The following F8 variants were observed in gnomAD, a reference collection of about 807,000 sequenced individuals.
F8 encodes coagulation factor VIII.
In F8, 12 loss-of-function variants were observed where a neutral mutation model predicts 140.6. The observed-to-expected ratio is 0.09, with a 90% CI of 0.05 to 0.14. The LOEUF is 0.14. Ranked by LOEUF, F8 falls within the 10% of genes least tolerant of loss-of-function variation. The pLI is 1.00. For synonymous variants in F8, 585 were observed against 614.6 expected (o/e 0.95, Z 0.71); for missense variants, 1,354 against 1,720.7 (o/e 0.79, Z 3.77).
intron 5 of F8, among the ~76,000 whole-genome samples, chrX:154,985,139 G>A (rs1260846073): frequency 1.8e-5 from 2 of 111,932 alleles, no homozygotes; most frequent in Non-Finnish European, 3.8e-5. Context: ...GAAAGCTTAT[G>A]AAAATCATCC....
intron 14 of F8, among the ~76,000 whole-genome samples, chrX:154,916,202 T>G (rs2073096464): frequency 8.9e-6 from 1 of 112,243 alleles, no homozygotes; most frequent in Admixed American, 9.4e-5. Context: ...TTGAATTTAG[T>G]TTGCTAGTAC....
intron 9 of F8, among the ~76,000 whole-genome samples, chrX:154,963,564 C>T (rs1219234754): frequency 1.8e-5 from 2 of 111,542 alleles, no homozygotes; most frequent in African/African-American, 6.5e-5. Flanking sequence ...TGGGTATATA[C>T]CTAGTAATGG....
intron 25 of F8, among the ~76,000 whole-genome samples, chrX:154,850,446 T>C (rs1157920773): frequency 3.8e-5 from 4 of 106,377 alleles, no homozygotes; most frequent in Non-Finnish European, 7.8e-5. Flanking sequence ...TGGTTCTTTT[T>C]TTTTTTCTTT....
At chrX:154,912,763 G>T (rs887745571) in intron 14 of F8, among the ~76,000 whole-genome samples, 4 of 112,016 alleles carry the variant, frequency 3.6e-5, no homozygotes, top group African/African-American at 9.7e-5. Context: ...AGGTTTAATT[G>T]ACTTACAGTT....
At chrX:154,995,984 T>C (rs1364476408) in intron 3 of F8, among the ~76,000 whole-genome samples, 1 of 111,274 alleles carries the variant, frequency 9.0e-6, no homozygotes, top group Non-Finnish European at 1.9e-5. Context: ...TGTTACCTTT[T>C]CTGATGGGTT....
intron 4 of F8, among the ~76,000 whole-genome samples, chrX:154,989,047 T>C (rs1234223435): frequency 8.9e-6 from 1 of 111,789 alleles, no homozygotes; most frequent in East Asian, 2.8e-4. Flanking sequence ...CCATGCCTAT[T>C]CGATTTTCTC....
At chrX:154,964,303 T>C (rs187231436) in intron 9 of F8, among the ~76,000 whole-genome samples, 1 of 111,704 alleles carries the variant, frequency 9.0e-6, no homozygotes, top group East Asian at 2.8e-4. Flanking sequence ...ATATGTAAAA[T>C]TATTGTGTCA....
At chrX:154,885,976 G>C (rs1434723996) in intron 22 of F8, among the ~76,000 whole-genome samples, 2 of 10,220 alleles carry the variant, frequency 2.0e-4, no homozygotes, top group Admixed American at 5.6e-4. Context: ...GGGGGGGGGG[G>C]GGACAACAGT....
chrX:154,922,540 G>A (rs1287156834), intron 14 of F8, among the ~76,000 whole-genome samples: 2 of 111,857 alleles, frequency 1.8e-5, no homozygotes, highest in African/African-American at 6.5e-5. Flanking sequence ...AATATTTCAG[G>A]CACTGTTAAG....
chrX:154,862,951 A>C lies in F8; in HGVS notation c.6574+132T>G, dbSNP rs1557272957. 5 of 673,809 alleles carry C rather than the reference A, an allele frequency of 7.4e-6. No individual in the cohort carries two copies. The Admixed American group carries it at 9.3e-5, about 12-fold the overall frequency. 55.5% of individuals were successfully genotyped at this position (673,809 alleles called of 1,213,427 possible). ...GGTATTTCTGGGTTTGCCCAGGACT[A>C]TGCTGGTTTTAGCACTGACAATTTT... On this transcript the variant is annotated intron_variant, in intron 23 of 25. Coordinates refer to ENST00000360256, the MANE Select transcript of F8 (RefSeq NM_000132.4).
At chrX:154,999,712 G>C in intron 1 of F8, 112 bp from the exon 2 acceptor site, 2 of 924,112 alleles carry the variant, frequency 2.2e-6, no homozygotes, top group Non-Finnish European at 3.1e-6. Context: ...CAAATTTGAA[G>C]TTGTATATAA....
intron 22 of F8, chrX:154,885,598 GT>G: frequency 3.1e-6 from 1 of 323,653 alleles, no homozygotes. Flanking sequence ...TGGGGTGGGG[GT>G]GGGGGGGCGG....
intron 22 of F8, among the ~76,000 whole-genome samples, chrX:154,880,083 A>C (rs1174699834): frequency 3.6e-5 from 4 of 112,234 alleles, no homozygotes; most frequent in African/African-American, 1.3e-4. Flanking sequence ...TAATGGTTTT[A>C]ACTAACAATG....
intron 13 of F8, among the ~76,000 whole-genome samples, chrX:154,946,917 T>G (rs1206934348): frequency 9.0e-6 from 1 of 110,989 alleles, no homozygotes; most frequent in Non-Finnish European, 1.9e-5. Flanking sequence ...AAGATCTGAA[T>G]AGACATTTCT....
At chrX:154,955,008 T>C (rs1557281050) in intron 11 of F8, among the ~76,000 whole-genome samples, 1 of 110,690 alleles carries the variant, frequency 9.0e-6, no homozygotes, top group African/African-American at 3.3e-5. Flanking sequence ...ACTGAGTTAT[T>C]CTGGGGCCGA....
Position 154,896,102 on chromosome X carries a change from C to T in F8, c.6404G>A (p.Arg2135Gln), listed in dbSNP as rs137852366. Reference sequence around the variant, plus strand: ...CATTAAGGTTCCAGTGGAATTTCCTCGATAAGTCTGCCACTTCTTCCCATC... The same window carrying T: ...CATTAAGGTTCCAGTGGAATTTCCTTGATAAGTCTGCCACTTCTTCCCATC... ...SLDGKKWQTY[R>Q]GNSTGTLMVF... The change falls in exon 22 of 26, where the codon CGA becomes CAA. Residue 2135 changes from arginine (R) to glutamine (Q), a missense_variant. Transcript: ENST00000360256. 12 of 1,208,355 alleles carry T rather than the reference C, an allele frequency of 9.9e-6. No individual in the cohort carries two copies. Among genetic ancestry groups the T allele is most frequent in the South Asian group, 8.8e-5 (5 of 56,795 alleles).
chrX:154,980,855 C>T (rs1158882510), intron 6 of F8, among the ~76,000 whole-genome samples: 2 of 111,945 alleles, frequency 1.8e-5, no homozygotes, highest in African/African-American at 3.3e-5. Context: ...CCTGTAGTCC[C>T]ACTCTGGAGG....
intron 22 of F8, among the ~76,000 whole-genome samples, chrX:154,895,772 T>G (rs189111598): frequency 9.0e-6 from 1 of 111,487 alleles, no homozygotes; most frequent in East Asian, 2.8e-4. Flanking sequence ...TGCTGGACAT[T>G]TCAACCTGAT....
chrX:154,930,153 T>G lies in F8; in HGVS notation c.3637A>C (p.Ile1213Leu). ...ENNTHNQEKK[I>L]QEEIEKKETL... ...TCCTTCTTTTCTATTTCTTCCTGAA[T>G]TTTTTTTTCTTGATTGTGTGTATTA... The change falls in exon 14 of 26, where the codon ATT becomes CTT. Residue 1213 changes from isoleucine (I) to leucine (L), a missense_variant. This residue lies in a region of F8 where 658 missense variants were observed against 666.5 expected (regional missense o/e 0.99). Coordinates refer to ENST00000360256, the MANE Select transcript of F8 (RefSeq NM_000132.4). The G allele has an allele frequency of 8.3e-7, 1 of 1,200,423 alleles. No homozygotes were observed. The highest frequency in any genetic ancestry group is 1.1e-6 in the Non-Finnish European group (1 of 888,076).
Sources: gnomAD v4.1 joint callset for allele counts (sites outside exome capture counted in the v4.1 genomes callset) on GRCh38, gnomAD v4.1.1 for gene constraint, gnomAD v4.1.1 regional missense constraint, MANE v1.5 for transcripts, NCBI Gene and HGNC (gene_info 2026-07-23, HGNC 2026-07-21) for gene names.